The following CEP95 variants were observed in gnomAD, a reference collection of about 807,000 sequenced individuals.
CEP95 encodes the protein centrosomal protein 95.
Under a neutral mutation model 111.2 loss-of-function variants are expected in CEP95, and 98 were observed. The ratio of observed to expected loss-of-function variants is 0.88; its 90% confidence interval spans 0.75 to 1.04. The LOEUF is 1.04. Among genes scored for constraint, CEP95 ranks in the 50% least tolerant of loss-of-function variants. CEP95 has a pLI of 0.00. For missense variants in CEP95, 1,027 were observed against 977.2 expected (o/e 1.05, Z -0.68); for synonymous variants, 323 against 327.1 (o/e 0.99, Z 0.14).
intron 1 of CEP95, 51 bp from the exon 2 acceptor site, chr17:64,508,541 A>G: frequency 7.7e-7 from 1 of 1,300,266 alleles, no homozygotes; most frequent in Non-Finnish European, 9.9e-7. Context: ...TGTCTGTGTG[A>G]TTTTTTTCTG....
At position 64,536,638 on chromosome 17, in the gene CEP95, C is replaced by G; in HGVS notation, c.2107C>G (p.Gln703Glu). 1 of 1,605,298 alleles carries G rather than the reference C, an allele frequency of 6.2e-7. No homozygotes were observed. Among genetic ancestry groups the G allele is most frequent in the South Asian group, 1.1e-5 (1 of 88,930 alleles). The change falls in exon 18 of 20, where the codon CAA becomes GAA. Residue 703 changes from glutamine to glutamate, a missense_variant. By Grantham distance (29) the Gln-to-Glu change is conservative. Transcript: ENST00000556440. ...KKLFEEGLNIQKQRLRDLRNY... is the reference protein window; with the variant it reads ...KKLFEEGLNIEKQRLRDLRNY... The stretch of plus-strand genomic sequence containing the variant: ...ACTGTTTGAAGAAGGTTTAAACATT[C>G]AAAAGCAAAGATTACGAGACCTAAG...
chr17:64,537,717 G>A lies in CEP95; in HGVS notation c.2404G>A (p.Glu802Lys), dbSNP rs781839865. The change falls in exon 20 of 20, where the codon GAG becomes AAG. Residue 802 changes from glutamate (E) to lysine (K), a missense_variant. Physicochemically the swap from Glu to Lys is moderately conservative, Grantham distance 56. Coordinates refer to ENST00000556440, the MANE Select transcript of CEP95 (RefSeq NM_138363.3). The stretch of plus-strand genomic sequence containing the variant: ...TGTTTTCTTCCGGGAACTGGAAGCT[G>A]AGCGCTTCAGATCTCGGCTTCAGCT... ...DDVFFRELEAERFRSRLQLAS... is the reference protein window; with the variant it reads ...DDVFFRELEAKRFRSRLQLAS... 1.9e-5 allele frequency: 31 copies of A among 1,612,374 alleles called. No homozygotes were observed. In the East Asian group the frequency reaches 4.9e-4, roughly 26 times the overall value.
At chr17:64,531,826 A>T in intron 13 of CEP95, 64 bp from the exon 14 acceptor site, 1 of 1,213,898 alleles carries the variant, frequency 8.2e-7, no homozygotes. Context: ...TGTAATATTT[A>T]AGATGATGTA....
At chr17:64,521,608 T>C in intron 7 of CEP95, 81 bp downstream of exon 7, 1 of 1,334,610 alleles carries the variant, frequency 7.5e-7, no homozygotes, top group Non-Finnish European at 1.0e-6. Context: ...CTTTTTACTT[T>C]TATTGCTGTA....
rs372545881 is a variant in CEP95, at chr17:64,532,983, G to T, written c.1817G>T (p.Arg606Leu). Reference sequence around the variant, plus strand: ...AAGAAAGAAGCATGTAGAGAAAATCGATCAAAGAAGAAACTCCAAGATGAA... The same window carrying T: ...AAGAAAGAAGCATGTAGAGAAAATCTATCAAAGAAGAAACTCCAAGATGAA... ...QLKKEACREN[R>L]SKKKLQDEIE... Residue 606 changes from arginine (R) to leucine (L), a missense_variant, in exon 15 of 20, where the codon CGA (arginine) becomes CTA (leucine). By Grantham distance (102) the Arg-to-Leu change is moderately radical. Coordinates refer to ENST00000556440, the MANE Select transcript of CEP95 (RefSeq NM_138363.3). 1 of 1,611,552 alleles carries T rather than the reference G, an allele frequency of 6.2e-7. No individual in the cohort carries two copies. The highest frequency in any genetic ancestry group is 1.7e-5 in the Admixed American group (1 of 59,372).
intron 1 of CEP95, 92 bp downstream of exon 1, chr17:64,507,208 C>T (rs2038594157): frequency 2.0e-6 from 3 of 1,533,426 alleles, no homozygotes; most frequent in East Asian, 4.9e-5. Flanking sequence ...TCTGGGCTGT[C>T]GGCGGGGCTC....
intron 6 of CEP95, chr17:64,520,395 G>T (rs1394867873): frequency 6.6e-6 from 1 of 151,622 alleles, no homozygotes; most frequent in African/African-American, 2.4e-5. Flanking sequence ...GATTTAAAGT[G>T]TCAGATAACT....
chr17:64,518,707 T>C (rs1555676989), intron 5 of CEP95, among the ~76,000 whole-genome samples: 1 of 150,944 alleles, frequency 6.6e-6, no homozygotes, highest in African/African-American at 2.4e-5. Context: ...TGAGACAGAG[T>C]TTTGCTCTTG....
intron 10 of CEP95, 130 bp downstream of exon 10, chr17:64,526,330 G>GT (rs1967818021): frequency 1.1e-6 from 1 of 897,096 alleles, no homozygotes; most frequent in Non-Finnish European, 1.6e-6. Context: ...AAAATGTTCC[G>GT]TAAGTCAAGC....
chr17:64,530,877 C>A, intron 12 of CEP95, 49 bp from the exon 13 acceptor site: 1 of 1,098,768 alleles, frequency 9.1e-7, no homozygotes, highest in Non-Finnish European at 1.3e-6. Context: ...TGGTGCTGCC[C>A]GTTGTGTATG....
rs1968759197 is a variant in CEP95 at position 64,537,778 on chromosome 17, G to A, written c.2465G>A (p.Ter822=). The A allele has an allele frequency of 6.3e-6, 10 of 1,583,916 alleles. No individual in the cohort carries two copies. Among genetic ancestry groups the A allele is most frequent in the Non-Finnish European group, 8.6e-6 (10 of 1,163,738 alleles). ...SFQYSKSPSL[*] ...CAGTACAGTAAAAGTCCCTCCCTAT[G>A]AGGCCAGACTTGATAATAGTAGGTG... Residue 822 remains the stop codon, a stop_retained_variant, in exon 20 of 20, where the codon TGA becomes TAA. Coordinates refer to ENST00000556440, the MANE Select transcript of CEP95 (RefSeq NM_138363.3).
chr17:64,515,094 A>G (rs942897603), intron 4 of CEP95, among the ~76,000 whole-genome samples: 2 of 152,178 alleles, frequency 1.3e-5, no homozygotes, highest in East Asian at 3.9e-4. Flanking sequence ...TTGTTACTAA[A>G]CTGTTTAAAA....
chr17:64,534,928 C>T (rs573630649), intron 17 of CEP95, 191 bp downstream of exon 17: 2 of 602,052 alleles, frequency 3.3e-6, no homozygotes, highest in East Asian at 3.1e-5. Context: ...CGTCCATTCT[C>T]AGTCTCCGTG....
chr17:64,515,278 T>C (rs1312608872), intron 4 of CEP95, among the ~76,000 whole-genome samples: 1 of 152,034 alleles, frequency 6.6e-6, no homozygotes, highest in East Asian at 1.9e-4. Flanking sequence ...AATAAAAGCA[T>C]AAAGGGGGAA....
intron 3 of CEP95, among the ~76,000 whole-genome samples, chr17:64,511,392 C>T (rs1369753620): frequency 1.3e-5 from 2 of 152,212 alleles, no homozygotes; most frequent in Non-Finnish European, 2.9e-5. Flanking sequence ...GACCTGCCCC[C>T]AGGCGTGTAT....
intron 10 of CEP95, 62 bp from the exon 11 acceptor site, chr17:64,527,049 C>A: frequency 7.0e-7 from 1 of 1,426,970 alleles, no homozygotes; most frequent in Non-Finnish European, 9.7e-7. Context: ...GGTCTGCCTA[C>A]TCCTACGAAT....
Position 64,535,712 on chromosome 17 carries a change from C to A in CEP95, c.2071-890C>A. 3 of 152,232 alleles carry A rather than the reference C, an allele frequency of 2.0e-5. No homozygotes were observed. The South Asian group carries it at 6.2e-4, about 32-fold the overall frequency. The allele number at this position is 152,232 out of a possible 1,614,324, so 9.4% of individuals were successfully genotyped here. A position where few individuals can be genotyped will look rare whatever the true frequency, so the allele number is the denominator to read the frequency against. ...GTTACCAAAAGGTCATATAGAGTTA[C>A]CCTATGACCCAGCAATTTCACTCCT... On this transcript the variant is annotated intron_variant, in intron 17 of 19. Transcript: ENST00000556440.
chr17:64,525,402 A>G (rs1598221992), intron 8 of CEP95, among the ~76,000 whole-genome samples: 2 of 152,156 alleles, frequency 1.3e-5, no homozygotes, highest in African/African-American at 4.8e-5. Flanking sequence ...AACTGTTTCA[A>G]TTTTGGACAG....
Position 64,507,865 on chromosome 17 carries a change from A to T in CEP95, c.20-727A>T. The T allele has an allele frequency of 3.0e-6, 3 of 985,484 alleles. No homozygotes were observed. In the South Asian group the frequency reaches 1.4e-4, roughly 46 times the overall value. The allele number at this position is 985,484 out of a possible 1,614,324, so 61.0% of individuals were successfully genotyped here. The stretch of plus-strand genomic sequence containing the variant: ...CAATTCCCAGGCATTTCAAGGAACA[A>T]GTATTTTAAGCTAAGTTACTTTTGG... On this transcript the variant is annotated intron_variant, in intron 1 of 19. Transcript: ENST00000556440.
Sources: gnomAD v4.1 joint callset for allele counts (sites outside exome capture counted in the v4.1 genomes callset) on GRCh38, gnomAD v4.1.1 for gene constraint, MANE v1.5 for transcripts, NCBI Gene and HGNC (gene_info 2026-07-23, HGNC 2026-07-21) for gene names.